The following EPB41L1 variants were observed in gnomAD, a reference collection of about 807,000 sequenced individuals.
EPB41L1 encodes the protein band 4.1-like protein 1.
EPB41L1 carries 29 observed loss-of-function variants against 97.8 expected under a neutral mutation model. The observed-to-expected ratio is 0.30, with a 90% CI of 0.22 to 0.40. The LOEUF (loss-of-function observed/expected upper bound fraction) is 0.40, where lower values mean the gene tolerates loss of function less well. Ranked by LOEUF, EPB41L1 falls within the 10% of genes least tolerant of loss-of-function variation. The pLI is 1.00. For missense variants in EPB41L1, 812 were observed against 1,162.3 expected (o/e 0.70, Z 4.38); for synonymous variants, 383 against 459.2 (o/e 0.83, Z 2.12).
chr20:36,188,685 T>C (rs2061805499), intron 9 of EPB41L1, among the ~76,000 whole-genome samples, 186 bp downstream of exon 9: 1 of 136,298 alleles, frequency 7.3e-6, no homozygotes, highest in Non-Finnish European at 1.6e-5. Context: ...TAAATAAAAG[T>C]ATAACCACAT....
chr20:36,095,234 A>AG (rs1399842510), intron 1 of EPB41L1, among the ~76,000 whole-genome samples: 1 of 152,116 alleles, frequency 6.6e-6, no homozygotes, highest in East Asian at 1.9e-4. Context: ...GGCCTCCCAA[A>AG]GTGCTGGGAT....
At chr20:36,141,763 A>G (rs2059647370) in intron 2 of EPB41L1, among the ~76,000 whole-genome samples, 1 of 152,256 alleles carries the variant, frequency 6.6e-6, no homozygotes, top group South Asian at 2.1e-4. Flanking sequence ...ACATGTTTTA[A>G]AATATTTCCT....
At chr20:36,136,119 CA>C (rs1280475318) in intron 2 of EPB41L1, among the ~76,000 whole-genome samples, 1 of 152,018 alleles carries the variant, frequency 6.6e-6, no homozygotes, top group African/African-American at 2.4e-5. Flanking sequence ...CTAGAACTTA[CA>C]AAAAAATTTT....
chr20:36,175,450 G>T (rs1265573214), intron 2 of EPB41L1, 101 bp from the exon 3 acceptor site: 4 of 1,402,086 alleles, frequency 2.9e-6, no homozygotes, highest in African/African-American at 2.8e-5. Context: ...TCATTCTGGG[G>T]TCTGTCTTGG....
intron 6 of EPB41L1, 92 bp from the exon 7 acceptor site, chr20:36,185,025 T>A: frequency 7.9e-7 from 1 of 1,270,286 alleles, no homozygotes; most frequent in South Asian, 1.2e-5. Flanking sequence ...TCTGCTGAGC[T>A]ATGTTCTATT....
chr20:36,138,469 G>C (rs1165214738), intron 2 of EPB41L1, among the ~76,000 whole-genome samples: 2 of 151,810 alleles, frequency 1.3e-5, no homozygotes, highest in African/African-American at 4.8e-5. Flanking sequence ...CACCATGTTG[G>C]CCAGGCTGGT....
intron 6 of EPB41L1, among the ~76,000 whole-genome samples, chr20:36,184,643 TAGAATC>T (rs746036565): frequency 2.0e-5 from 3 of 152,194 alleles, no homozygotes; most frequent in African/African-American, 7.2e-5. Flanking sequence ...AGTGAGCTGT[TAGAATC>T]AGAGACAGCA....
At chr20:36,104,926 G>A (rs1471665063) in intron 1 of EPB41L1, among the ~76,000 whole-genome samples, 2 of 152,098 alleles carry the variant, frequency 1.3e-5, no homozygotes, top group African/African-American at 4.8e-5. Context: ...AGGGGGCCAG[G>A]GAACCCATGA....
chr20:36,156,966 C>T (rs573315568), intron 1 of EPB41L1, among the ~76,000 whole-genome samples: 157 of 152,290 alleles, frequency 1.0e-3, no homozygotes, highest in African/African-American at 3.7e-3. Context: ...TTGCGCACGC[C>T]TGTAATCCCA....
At chr20:36,183,346 G>A (rs1445925566) in intron 6 of EPB41L1, among the ~76,000 whole-genome samples, 1 of 152,256 alleles carries the variant, frequency 6.6e-6, no homozygotes, top group Non-Finnish European at 1.5e-5. Context: ...TCAAGGTGCT[G>A]ACTCTGGCCT....
chr20:36,185,394 C>T, intron 7 of EPB41L1, 59 bp downstream of exon 7: 1 of 1,520,622 alleles, frequency 6.6e-7, no homozygotes, highest in Non-Finnish European at 9.0e-7. Flanking sequence ...GCCTTCCTTG[C>T]AGGCCTGAAT....
At chr20:36,174,180 C>T (rs1395066147) in intron 2 of EPB41L1, among the ~76,000 whole-genome samples, 2 of 152,146 alleles carry the variant, frequency 1.3e-5, no homozygotes, top group African/African-American at 4.8e-5. Flanking sequence ...CTCAATCTCC[C>T]AGGCTCAAGC....
chr20:36,215,256 A>G (rs994948109), intron 17 of EPB41L1, among the ~76,000 whole-genome samples: 2 of 152,014 alleles, frequency 1.3e-5, no homozygotes, highest in South Asian at 2.1e-4. Flanking sequence ...CACACAATCA[A>G]TAAGTGGTAG....
chr20:36,155,510 C>T (rs2060256819), intron 1 of EPB41L1: 3 of 442,096 alleles, frequency 6.8e-6, no homozygotes, highest in Non-Finnish European at 1.4e-5. Context: ...GGCACCTTCA[C>T]ACTTGGGGAG....
chr20:36,132,578 G>C (rs986852628), intron 2 of EPB41L1, among the ~76,000 whole-genome samples: 2 of 126,052 alleles, frequency 1.6e-5, no homozygotes, highest in African/African-American at 5.6e-5. Context: ...GGGGGGGGGG[G>C]GCGCATTATT....
At chr20:36,114,721 G>A (rs2058531305) in intron 2 of EPB41L1, among the ~76,000 whole-genome samples, 1 of 152,142 alleles carries the variant, frequency 6.6e-6, no homozygotes, top group African/African-American at 2.4e-5. Context: ...CTGTGTCCCA[G>A]CTTAGCAATC....
chr20:36,212,495 A>T lies in EPB41L1; in HGVS notation c.2184+119A>T, dbSNP rs2146867739. 1 of 830,196 alleles carries T rather than the reference A, an allele frequency of 1.2e-6. No individual in the cohort carries two copies. The highest frequency in any genetic ancestry group is 2.6e-5 in the East Asian group (1 of 37,762). The allele number at this position is 830,196 out of a possible 1,614,324, so 51.4% of individuals were successfully genotyped here. A position where few individuals can be genotyped will look rare whatever the true frequency, so the allele number is the denominator to read the frequency against. On this transcript the variant is annotated intron_variant, in intron 16 of 21. Coordinates refer to ENST00000338074, the MANE Select transcript of EPB41L1 (RefSeq NM_012156.2). This position sits in a 1 kb window ranked among gnomAD's most constrained non-coding sequence, Gnocchi z 4.8. The stretch of plus-strand genomic sequence containing the variant: ...TTTAATCTCAGCTTCCCTGGAACCC[A>T]TATGTTAATCCTGATGCTCTCCTGT...
chr20:36,205,163 T>G (rs2062730592), intron 14 of EPB41L1, among the ~76,000 whole-genome samples: 1 of 152,352 alleles, frequency 6.6e-6, no homozygotes, highest in Non-Finnish European at 1.5e-5. Flanking sequence ...ACTACTATGC[T>G]TTCTTCCCAG....
chr20:36,104,463 G>A (rs1239131057), intron 1 of EPB41L1, among the ~76,000 whole-genome samples: 1 of 152,180 alleles, frequency 6.6e-6, no homozygotes, highest in Non-Finnish European at 1.5e-5. Context: ...ATTTGGGGGA[G>A]TGATGACTCA....
Sources: gnomAD v4.1 joint callset for allele counts (sites outside exome capture counted in the v4.1 genomes callset) on GRCh38, gnomAD v4.1.1 for gene constraint, Gnocchi (gnomAD v3.1) non-coding constraint, MANE v1.5 for transcripts, NCBI Gene and HGNC (gene_info 2026-07-23, HGNC 2026-07-21) for gene names.